FLT4: variants seen among roughly 807,000 people sequenced by gnomAD.
The protein encoded by FLT4 is fms related receptor tyrosine kinase 4, also known as vascular endothelial growth factor receptor 3.
A neutral mutation model predicts 163.2 loss-of-function variants in FLT4; 30 were observed. That is an observed-to-expected ratio of 0.18 (90% CI 0.14 to 0.25). FLT4 has a LOEUF of 0.25. Ranked by LOEUF, FLT4 falls within the 10% of genes least tolerant of loss-of-function variation. FLT4 has a pLI of 1.00. For synonymous variants in FLT4, 884 were observed against 789.5 expected, an observed-to-expected ratio of 1.12 and a Z score of -2.01; for missense variants, 1,510 against 1,863.8, an observed-to-expected ratio of 0.81 and a Z score of 3.50.
rs182412091 is a variant in FLT4 at position 180,602,760 on chromosome 5, G to A, written c.*432C>T. ...GCTGTGTGCCTGAGGAGGAAAGGGC[G>A]TTTGGGAGACCTCTGCTCTCGTATG... is the stretch of plus-strand genomic sequence containing the variant. On this transcript the variant is annotated 3_prime_UTR_variant, in exon 30 of 30. Coordinates refer to ENST00000261937, the MANE Select transcript of FLT4 (RefSeq NM_182925.5). 1,489 of 468,086 alleles carry A rather than the reference G, an allele frequency of 3.2e-3. 7 individuals carry two copies. The highest frequency in any genetic ancestry group is 4.2e-3 in the Non-Finnish European group (1,113 of 267,086). 29.0% of individuals were successfully genotyped at this position (468,086 alleles called of 1,614,324 possible).
intron 23 of FLT4, 103 bp downstream of exon 23, chr5:180,616,264 C>A: frequency 6.5e-7 from 1 of 1,534,614 alleles, no homozygotes; most frequent in African/African-American, 1.4e-5. Context: ...AAGGAGCTCA[C>A]CTCACCCTGT....
rs148392893 is a variant in FLT4 at position 180,630,235 on chromosome 5, G to C, written c.503C>G (p.Thr168Arg). 6.2e-7 allele frequency: 1 copy of C among 1,612,186 alleles called. No homozygotes were observed. The highest frequency in any genetic ancestry group is 8.5e-7 in the Non-Finnish European group (1 of 1,179,540). ...CLVSIPGLNV[T>R]LRSQSSVLWP... ...GGGGTGGGGCCGTACCGAGCGCAGC[G>C]TGACATTGAGGCCGGGGATGGACAC... Residue 168 changes from threonine (T) to arginine (R), a missense_variant, in exon 4 of 30, where the codon ACG becomes AGG. Physicochemically the swap from Thr to Arg is moderately conservative, Grantham distance 71. Coordinates refer to ENST00000261937, the MANE Select transcript of FLT4 (RefSeq NM_182925.5). The surrounding 1 kb of genome is among the most constrained non-coding windows in gnomAD (Gnocchi z 6.3).
intron 1 of FLT4, among the ~76,000 whole-genome samples, chr5:180,647,545 C>A (rs991119714): frequency 6.6e-6 from 1 of 151,950 alleles, no homozygotes; most frequent in African/African-American, 2.4e-5. Context: ...CTGCTCCCAC[C>A]GGACCAGCTG....
rs529821139 is a variant in FLT4 at position 180,647,929 on chromosome 5, C to T, written c.58+1559G>A. Among the ~76,000 whole-genome samples the T allele has an allele frequency of 9.2e-5, 14 of 152,298 alleles. No homozygotes were observed. The East Asian group carries it at 2.7e-3, about 29-fold the overall frequency. ...ACCAGGACACTGGCCTCTCCTGGTT[C>T]TCCTTATACCTGCAGAATGTTCCCT... On this transcript the variant is annotated intron_variant, in intron 1 of 29. Transcript: ENST00000261937.
chr5:180,645,773 G>T (rs1193310540), intron 1 of FLT4, among the ~76,000 whole-genome samples: 1 of 152,182 alleles, frequency 6.6e-6, no homozygotes, highest in East Asian at 1.9e-4. Context: ...CAGTGTGACC[G>T]GAAAACCCAG....
chr5:180,610,919 T>A (rs1184175551), intron 27 of FLT4, among the ~76,000 whole-genome samples: 1 of 152,098 alleles, frequency 6.6e-6, no homozygotes, highest in Non-Finnish European at 1.5e-5. Flanking sequence ...TAGCCAGGCG[T>A]GGTGGCGGGT....
intron 2 of FLT4, 145 bp downstream of exon 2, chr5:180,631,537 A>G (rs1581682998): frequency 1.4e-6 from 1 of 707,584 alleles, no homozygotes; most frequent in Admixed American, 2.0e-5. Flanking sequence ...GAAGTCACCC[A>G]CAGCCTGGGA....
chr5:180,644,729 G>T (rs192788799), intron 1 of FLT4, among the ~76,000 whole-genome samples: 1 of 152,262 alleles, frequency 6.6e-6, no homozygotes, highest in Non-Finnish European at 1.5e-5. Context: ...GCCCACTGCC[G>T]GACACGCCAC....
At chr5:180,648,719 GC>G (rs1230574831) in intron 1 of FLT4, among the ~76,000 whole-genome samples, 3 of 104,506 alleles carry the variant, frequency 2.9e-5, no homozygotes, top group Non-Finnish European at 6.6e-5. Flanking sequence ...GTCTCTCCCC[GC>G]CAGAGCCACA....
rs1378959918 is a variant in FLT4, at chr5:180,603,122, G to C, written c.*70C>G. 3 of 1,480,940 alleles carry C rather than the reference G, an allele frequency of 2.0e-6. No homozygotes were observed. Among genetic ancestry groups the C allele is most frequent in the Non-Finnish European group, 1.9e-6 (2 of 1,065,340 alleles). 91.7% of individuals were successfully genotyped at this position (1,480,940 alleles called of 1,614,324 possible). ...GTTCAACCAGATGAGTTCCCAGCCTGGGCCTCCAGCCCTCTGCCCGCCCTG... is the reference window on the plus strand; with the variant it reads ...GTTCAACCAGATGAGTTCCCAGCCTCGGCCTCCAGCCCTCTGCCCGCCCTG... On this transcript the variant is annotated 3_prime_UTR_variant, in exon 30 of 30. Transcript: ENST00000261937.
rs959880796 is a variant in FLT4, at chr5:180,624,336, C to T, written c.1422-275G>A. On this transcript the variant is annotated intron_variant, in intron 10 of 29. Coordinates refer to ENST00000261937, the MANE Select transcript of FLT4 (RefSeq NM_182925.5). ...CCGCCTCCTGGGTTCAAGCGATTCT[C>T]CTGCCTCAGCCTCCCAAGTAGCTGG... Among the ~76,000 whole-genome samples, 24 of 151,978 alleles carry T rather than the reference C, an allele frequency of 1.6e-4. 1 individual carries two copies. Among genetic ancestry groups the T allele is most frequent in the Middle Eastern group, 3.4e-3 (1 of 294 alleles).
intron 14 of FLT4, 48 bp from the exon 15 acceptor site, chr5:180,621,055 T>G (rs1763103113): frequency 6.2e-7 from 1 of 1,612,114 alleles, no homozygotes; most frequent in Non-Finnish European, 8.5e-7. Context: ...TTTGGGATCG[T>G]CGGCCTCGCG....
Position 180,628,952 on chromosome 5 carries a change from C to T in FLT4, c.1033G>A (p.Ala345Thr). The T allele has an allele frequency of 6.2e-7, 1 of 1,612,762 alleles. No homozygotes were observed. The highest frequency in any genetic ancestry group is 8.5e-7 in the Non-Finnish European group (1 of 1,179,966). ...TTCACCAGCTCGTCTCCTGCCGTGG[C>T]CTCCAGGATGGGTCCTTTGAGCCAC... The part of the protein sequence containing the change: ...VEWLKGPILE[A>T]TAGDELVKLP... The change falls in exon 8 of 30, where the codon GCC becomes ACC. Residue 345 changes from alanine (A) to threonine (T), a missense_variant. Ala to Thr is a moderately conservative substitution (Grantham distance 58). Coordinates refer to ENST00000261937, the MANE Select transcript of FLT4 (RefSeq NM_182925.5).
chr5:180,606,493 C>T (rs931491208), intron 29 of FLT4, among the ~76,000 whole-genome samples: 1 of 152,166 alleles, frequency 6.6e-6, no homozygotes, highest in African/African-American at 2.4e-5. Flanking sequence ...CGGGTCCTGG[C>T]GTTGAGTCCC....
At chr5:180,638,972 A>G (rs1247291940) in intron 1 of FLT4, among the ~76,000 whole-genome samples, 1 of 138,562 alleles carries the variant, frequency 7.2e-6, no homozygotes, top group East Asian at 2.4e-4. Flanking sequence ...GTCTCAGTGA[A>G]CACTCGTTGA....
chr5:180,609,548 C>A, intron 28 of FLT4: 1 of 372,050 alleles, frequency 2.7e-6, no homozygotes. Flanking sequence ...AGGCAGGAAC[C>A]CAGGTCCCTG....
At position 180,621,155 on chromosome 5, in the gene FLT4, C is replaced by T. The variant is rs148018153; in HGVS notation, c.2118G>A (p.Ala706=). The stretch of plus-strand genomic sequence containing the variant: ...CGTCTTTGTACCACACGATGCTGGG[C>T]GCGTGCGCTCCGGCCACCAAGCACT... ...EMQCLVAGAH[A]PSIVWYKDER... Residue 706 remains alanine, a synonymous_variant, in exon 14 of 30, where the codon GCG becomes GCA. Coordinates refer to ENST00000261937, the MANE Select transcript of FLT4 (RefSeq NM_182925.5). The T allele has an allele frequency of 6.2e-6, 10 of 1,612,822 alleles. No homozygotes were observed. The Admixed American group carries it at 8.3e-5, about 13-fold the overall frequency.
At position 180,628,876 on chromosome 5, in the gene FLT4, T is replaced by C. The variant is rs747780706; in HGVS notation, c.1103+6A>G. 6.3e-7 allele frequency: 1 copy of C among 1,593,730 alleles called. No individual in the cohort carries two copies. Among genetic ancestry groups the C allele is most frequent in the Admixed American group, 1.7e-5 (1 of 59,288 alleles). Reference sequence around the variant, plus strand: ...GGCGGGGTCGGTGGGGAGCCAGGGCTGTTACCACTGGAACTCGGGCGGGGG... The same window carrying C: ...GGCGGGGTCGGTGGGGAGCCAGGGCCGTTACCACTGGAACTCGGGCGGGGG... On this transcript the variant is annotated splice_donor_region_variant and intron_variant, in intron 8 of 29. Coordinates refer to ENST00000261937, the MANE Select transcript of FLT4 (RefSeq NM_182925.5).
rs1762294252 is a variant in FLT4, at chr5:180,612,547, C to T, written c.3496G>A (p.Val1166Met). The change falls in exon 26 of 30, where the codon GTG (valine) becomes ATG (methionine). Residue 1166 changes from valine to methionine, a missense_variant. Val to Met is a conservative substitution (Grantham distance 21). Transcript: ENST00000261937. ...TGGAGCAGGTCCCCCAGGATCTCCACCAGCTCCGAGAATGCAGGTCTCGCC... is the reference window on the plus strand; with the variant it reads ...TGGAGCAGGTCCCCCAGGATCTCCATCAGCTCCGAGAATGCAGGTCTCGCC... ...PKARPAFSEL[V>M]EILGDLLQGR... 6.2e-7 allele frequency: 1 copy of T among 1,614,106 alleles called. No homozygotes were observed. Among genetic ancestry groups the T allele is most frequent in the Non-Finnish European group, 8.5e-7 (1 of 1,179,978 alleles).
Sources: allele counts gnomAD v4.1 joint callset (sites outside exome capture counted in the v4.1 genomes callset), GRCh38; gene constraint gnomAD v4.1.1; non-coding constraint Gnocchi (gnomAD v3.1); transcripts MANE v1.5; gene names NCBI Gene and HGNC (gene_info 2026-07-23, HGNC 2026-07-21).